THAP7: variants seen among roughly 807,000 people sequenced by gnomAD.
The protein encoded by THAP7 is THAP domain-containing protein 7.
In THAP7, 22 loss-of-function variants were observed where a neutral mutation model predicts 29.2. The ratio of observed to expected loss-of-function variants is 0.75; its 90% CI spans 0.54 to 1.08. The LOEUF is 1.08. Ranked by LOEUF, THAP7 falls within the 50% of genes least tolerant of loss-of-function variation. The pLI is 0.00. For missense variants in THAP7, 448 were observed against 416.2 expected, an observed-to-expected ratio of 1.08 and a Z score of -0.66; for synonymous variants, 208 against 173.4, an observed-to-expected ratio of 1.20 and a Z score of -1.57.
rs1433614984 is a variant in THAP7 at position 21,000,746 on chromosome 22, AAT to A, written c.276_277del (p.Phe93Ter). Reference sequence around the variant, plus strand: ...CCGGCGCAACTTGGAGAAAGACTCAAATATGGTGGGGACTGCCCCCTCCTTTA... The same window carrying A: ...CCGGCGCAACTTGGAGAAAGACTCAAATGGTGGGGACTGCCCCCTCCTTTA... On this transcript the variant is annotated frameshift_variant, in exon 3 of 4. Coordinates refer to ENST00000215742, the MANE Select transcript of THAP7 (RefSeq NM_030573.3). LOFTEE classifies it high-confidence loss of function. 6.2e-7 allele frequency: 1 copy of A among 1,614,052 alleles called. No individual in the cohort carries two copies. The highest frequency in any genetic ancestry group is 2.2e-5 in the East Asian group (1 of 44,890).
chr22:21,001,318 G>A lies in THAP7; in HGVS notation c.174C>T (p.Ser58=), dbSNP rs199942058. ...GTTTGGAGCAGAAGTAGATGTACTC[G>A]GATGCCGGGTCCCACAGGCCCTGGC... The part of the protein sequence containing the change: ...PSGQGLWDPA[S]EYIYFCSKHF... Residue 58 remains serine, a synonymous_variant, in exon 2 of 4, where the codon TCC becomes TCT. Coordinates refer to ENST00000215742, the MANE Select transcript of THAP7 (RefSeq NM_030573.3). The A allele has an allele frequency of 1.2e-6, 2 of 1,614,140 alleles. No homozygotes were observed. The highest frequency in any genetic ancestry group is 2.7e-5 in the African/African-American group (2 of 75,064).
chr22:21,000,193 G>T lies in THAP7; in HGVS notation c.617C>A (p.Pro206Gln). Reference protein sequence around the residue: ...SPERQPSPLEPRPVSPSAYML... With the variant: ...SPERQPSPLEQRPVSPSAYML... ...ATACGCTGAGGGGGAGACTGGCCGTGGTTCGAGAGGGGAGGGCTGCCGCTC... is the reference window on the plus strand; with the variant it reads ...ATACGCTGAGGGGGAGACTGGCCGTTGTTCGAGAGGGGAGGGCTGCCGCTC... The change falls in exon 4 of 4, where the codon CCA becomes CAA. Residue 206 changes from proline to glutamine, a missense_variant. Coordinates refer to ENST00000215742, the MANE Select transcript of THAP7 (RefSeq NM_030573.3). The T allele has an allele frequency of 6.4e-7, 1 of 1,560,514 alleles. No homozygotes were observed. Among genetic ancestry groups the T allele is most frequent in the Non-Finnish European group, 8.7e-7 (1 of 1,152,548 alleles).
chr22:21,000,178 G>T lies in THAP7; in HGVS notation c.632C>A (p.Pro211His), dbSNP rs775787480. 1 of 1,569,436 alleles carries T rather than the reference G, an allele frequency of 6.4e-7. No homozygotes were observed. The highest frequency in any genetic ancestry group is 8.6e-7 in the Non-Finnish European group (1 of 1,157,372). Residue 211 changes from proline to histidine, a missense_variant, in exon 4 of 4, where the codon CCC (proline) becomes CAC (histidine). Pro to His is a moderately conservative substitution (Grantham distance 77, BLOSUM62 -2). Transcript: ENST00000215742. ...GGGCAGGCGCAGCATATACGCTGAGGGGGAGACTGGCCGTGGTTCGAGAGG... is the reference window on the plus strand; with the variant it reads ...GGGCAGGCGCAGCATATACGCTGAGTGGGAGACTGGCCGTGGTTCGAGAGG... ...PSPLEPRPVS[P>H]SAYMLRLPPP...
Position 21,001,865 on chromosome 22 carries a change from C to T in THAP7, c.47G>A (p.Arg16His). Reference protein sequence around the residue: ...SAAGCCTRDTRETRNRGISFH... With the variant: ...SAAGCCTRDTHETRNRGISFH... The stretch of plus-strand genomic sequence containing the variant: ...GGAGATGCCGCGGTTGCGCGTCTCG[C>T]GCGTGTCCCGTGTGCAGCAGCCGGC... The change falls in exon 1 of 4, where the codon CGC becomes CAC. Residue 16 changes from arginine to histidine, a missense_variant. Arg to His is a conservative substitution (Grantham distance 29, BLOSUM62 0). Coordinates refer to ENST00000215742, the MANE Select transcript of THAP7 (RefSeq NM_030573.3). 6.4e-7 allele frequency: 1 copy of T among 1,568,566 alleles called. No homozygotes were observed. The highest frequency in any genetic ancestry group is 8.6e-7 in the Non-Finnish European group (1 of 1,158,572).
chr22:21,002,096 T>G lies in THAP7; in HGVS notation c.-185A>C. ...GTCAGCGGCACTCACGCTCTGGCCA[T>G]TGCTGCGCCGCCGAAGTCTCGCGAG... On this transcript the variant is annotated 5_prime_UTR_variant, in exon 1 of 4. It removes an upstream start codon present in the reference 5' UTR. Coordinates refer to ENST00000215742, the MANE Select transcript of THAP7 (RefSeq NM_030573.3). 1.7e-6 allele frequency: 1 copy of G among 581,554 alleles called. No homozygotes were observed. The highest frequency in any genetic ancestry group is 2.9e-6 in the Non-Finnish European group (1 of 344,384). The allele number at this position is 581,554 out of a possible 1,614,324, so 36.0% of individuals were successfully genotyped here. A position where few individuals can be genotyped will look rare whatever the true frequency, so the allele number is the denominator to read the frequency against.
At position 21,002,059 on chromosome 22, in the gene THAP7, C is replaced by A. The variant is rs1006206038; in HGVS notation, c.-148G>T. On this transcript the variant is annotated 5_prime_UTR_variant, in exon 1 of 4. Coordinates refer to ENST00000215742, the MANE Select transcript of THAP7 (RefSeq NM_030573.3). Reference sequence around the variant, plus strand: ...CGCCCCAACCCCGTCCCAGCCGATTCTCTTGACTTCTGTCAGCGGCACTCA... The same window carrying A: ...CGCCCCAACCCCGTCCCAGCCGATTATCTTGACTTCTGTCAGCGGCACTCA... 2.6e-5 allele frequency: 18 copies of A among 691,312 alleles called. No homozygotes were observed. Among genetic ancestry groups the A allele is most frequent in the African/African-American group, 9.5e-5 (5 of 52,472 alleles). The allele number at this position is 691,312 out of a possible 1,614,324, so 42.8% of individuals were successfully genotyped here.
chr22:21,001,703 T>G, intron 1 of THAP7, 129 bp downstream of exon 1: 1 of 1,108,300 alleles, frequency 9.0e-7, no homozygotes, highest in Admixed American at 2.9e-5. Context: ...CCGTTCCGCT[T>G]CACCTCCCAC....
At position 21,000,042 on chromosome 22, in the gene THAP7, G is replaced by A. The variant is rs751679779; in HGVS notation, c.768C>T (p.Arg256=). ...AALDALDKAQ[R]QLQACKRREQ... ...CCCGCCGCTTGCAGGCCTGCAGCTG[G>A]CGCTGGGCCTTGTCAAGGGCATCAA... Residue 256 remains arginine (R), a synonymous_variant, in exon 4 of 4, where the codon CGC becomes CGT. Coordinates refer to ENST00000215742, the MANE Select transcript of THAP7 (RefSeq NM_030573.3). The A allele has an allele frequency of 6.2e-7, 1 of 1,612,848 alleles. No homozygotes were observed. Among genetic ancestry groups the A allele is most frequent in the Non-Finnish European group, 8.5e-7 (1 of 1,179,962 alleles).
In THAP7 at chr22:21,002,087, C is replaced by G. The variant is rs1252122675; in HGVS notation, c.-176G>C. 3.3e-6 allele frequency: 2 copies of G among 613,252 alleles called. No individual in the cohort carries two copies. The highest frequency in any genetic ancestry group is 4.3e-5 in the South Asian group (2 of 46,034). 38.0% of individuals were successfully genotyped at this position (613,252 alleles called of 1,614,324 possible). On this transcript the variant is annotated 5_prime_UTR_variant, in exon 1 of 4. Transcript: ENST00000215742. Reference sequence around the variant, plus strand: ...TTGACTTCTGTCAGCGGCACTCACGCTCTGGCCATTGCTGCGCCGCCGAAG... The same window carrying G: ...TTGACTTCTGTCAGCGGCACTCACGGTCTGGCCATTGCTGCGCCGCCGAAG...
At position 20,999,192 on chromosome 22, in the gene THAP7, G is replaced by C. The variant is rs1233142120; in HGVS notation, c.*688C>G. 1.3e-5 allele frequency: 2 copies of C among 152,234 alleles called. No homozygotes were observed. The highest frequency in any genetic ancestry group is 2.9e-5 in the Non-Finnish European group (2 of 68,048). The allele number at this position is 152,234 out of a possible 1,614,324, so 9.4% of individuals were successfully genotyped here. A position where few individuals can be genotyped will look rare whatever the true frequency, so the allele number is the denominator to read the frequency against. Reference sequence around the variant, plus strand: ...CAGGTTCCTGGGAGTTGAAGGAAAAGGATGCTGAGGCCAGGACCTGAGTGC... The same window carrying C: ...CAGGTTCCTGGGAGTTGAAGGAAAACGATGCTGAGGCCAGGACCTGAGTGC... On this transcript the variant is annotated 3_prime_UTR_variant, in exon 4 of 4. Coordinates refer to ENST00000215742, the MANE Select transcript of THAP7 (RefSeq NM_030573.3).
chr22:21,001,174 A>C (rs1925143441), intron 2 of THAP7, 82 bp downstream of exon 2: 2 of 1,565,268 alleles, frequency 1.3e-6, no homozygotes, highest in South Asian at 2.3e-5. Flanking sequence ...AGGCTGCTCA[A>C]GGGACTTCCA....
rs114918464 is a variant in THAP7, at chr22:21,001,664, C to T, written c.80+168G>A. On this transcript the variant is annotated intron_variant, in intron 1 of 3. Transcript: ENST00000215742. Reference sequence around the variant, plus strand: ...AGCCGGCTAGACTTCCCGTCCTCCCCTTCCCGACTGCATTCAGTCCCGCCG... The same window carrying T: ...AGCCGGCTAGACTTCCCGTCCTCCCTTTCCCGACTGCATTCAGTCCCGCCG... The T allele has an allele frequency of 1.9e-3, 1,697 of 903,744 alleles. 34 individuals carry two copies. The African/African-American group carries it at 0.026, about 14-fold the overall frequency. The allele number at this position is 903,744 out of a possible 1,614,324, so 56.0% of individuals were successfully genotyped here.
rs1309378741 is a variant in THAP7 at position 21,001,267 on chromosome 22, C to G, written c.225G>C (p.Leu75=). The G allele has an allele frequency of 2.1e-5, 34 of 1,613,434 alleles. No homozygotes were observed. Among genetic ancestry groups the G allele is most frequent in the Non-Finnish European group, 2.8e-5 (33 of 1,179,448 alleles). Residue 75 remains leucine, a synonymous_variant, in exon 2 of 4, where the codon CTG becomes CTC. Transcript: ENST00000215742. ...GCAGGGAGGCCCACCTGATTCCCAC[C>G]AGCTCAAAGCAGTCCTCCTCAAAGT... The part of the protein sequence containing the change: ...SKHFEEDCFE[L]VGISGYHRLK...
rs1241945006 is a variant in THAP7 at position 21,001,428 on chromosome 22, C to T, written c.81-17G>A. On this transcript the variant is annotated splice_polypyrimidine_tract_variant and intron_variant, in intron 1 of 3. Coordinates refer to ENST00000215742, the MANE Select transcript of THAP7 (RefSeq NM_030573.3). ...TTGGGAAGTCTGTGGAGCCACAAAC[C>T]CGTGAGCACCAGGCTGTCCACAGCC... The T allele has an allele frequency of 6.2e-7, 1 of 1,612,300 alleles. No homozygotes were observed. The highest frequency in any genetic ancestry group is 1.7e-5 in the Admixed American group (1 of 59,964).
At chr22:21,000,932 C>T (rs554950740) in intron 2 of THAP7, 145 bp from the exon 3 acceptor site, 7 of 1,287,772 alleles carry the variant, frequency 5.4e-6, no homozygotes, top group Admixed American at 2.1e-5. Context: ...CTACACCAAT[C>T]GCTTCCCCGC....
At chr22:21,001,706 C>T (rs1925175948) in intron 1 of THAP7, 126 bp downstream of exon 1, 2 of 1,122,532 alleles carry the variant, frequency 1.8e-6, no homozygotes, top group East Asian at 2.6e-5. Flanking sequence ...TTCCGCTTCA[C>T]CTCCCACCCA....
In THAP7 at chr22:20,999,854, A is replaced by G. The variant is rs1925040095; in HGVS notation, c.*26T>C. 6.3e-7 allele frequency: 1 copy of G among 1,577,716 alleles called. No homozygotes were observed. Among genetic ancestry groups the G allele is most frequent in the South Asian group, 1.1e-5 (1 of 88,306 alleles). On this transcript the variant is annotated 3_prime_UTR_variant, in exon 4 of 4. Transcript: ENST00000215742. ...GGAAGAGGCTGCAGTCTTGCTGGGC[A>G]GCCCCTCGGTCAGTCCAGCAGCCCC...
chr22:20,999,649 G>T lies in THAP7; in HGVS notation c.*231C>A. The stretch of plus-strand genomic sequence containing the variant: ...CAGTAGCTCTGAGGGGTGAGAGCCA[G>T]GCTCCCTGTTCTCCTTGGCAAAGAG... On this transcript the variant is annotated 3_prime_UTR_variant, in exon 4 of 4. Coordinates refer to ENST00000215742, the MANE Select transcript of THAP7 (RefSeq NM_030573.3). 1.7e-6 allele frequency: 1 copy of T among 575,942 alleles called. No homozygotes were observed. Among genetic ancestry groups the T allele is most frequent in the Non-Finnish European group, 3.1e-6 (1 of 327,508 alleles). The allele number at this position is 575,942 out of a possible 1,614,324, so 35.7% of individuals were successfully genotyped here. A position where few individuals can be genotyped will look rare whatever the true frequency, so the allele number is the denominator to read the frequency against.
Position 21,000,742 on chromosome 22 carries a change from C to A in THAP7, c.282G>T (p.Glu94Asp). ...LKEGAVPTIFESFSKLRRTTK... is the reference protein window; with the variant it reads ...LKEGAVPTIFDSFSKLRRTTK... ...TTGTCCGGCGCAACTTGGAGAAAGA[C>A]TCAAATATGGTGGGGACTGCCCCCT... The change falls in exon 3 of 4, where the codon GAG (glutamate) becomes GAT (aspartate). Residue 94 changes from glutamate (E) to aspartate (D), a missense_variant. Transcript: ENST00000215742. The A allele has an allele frequency of 6.2e-7, 1 of 1,614,188 alleles. No homozygotes were observed. The highest frequency in any genetic ancestry group is 8.5e-7 in the Non-Finnish European group (1 of 1,180,042).
Sources: allele counts gnomAD v4.1 joint callset, GRCh38; gene constraint gnomAD v4.1.1; transcripts MANE v1.5; gene names NCBI Gene and HGNC (gene_info 2026-07-23, HGNC 2026-07-21).